The following SLC8A1 variants were observed in gnomAD, a reference collection of about 807,000 sequenced individuals.
SLC8A1 encodes the protein sodium/calcium exchanger 1.
In SLC8A1, 18 loss-of-function variants were observed where a neutral mutation model predicts 68.3. The ratio of observed to expected loss-of-function variants is 0.26; its 90% CI spans 0.18 to 0.39. SLC8A1 has a LOEUF of 0.39. Among genes scored for constraint, SLC8A1 ranks in the 10% least tolerant of loss-of-function variants. The probability of loss-of-function intolerance (pLI) is 1.00; values close to 1 mark genes in which losing one functional copy is unlikely to be tolerated. For missense variants in SLC8A1, 985 were observed against 1,156.7 expected (o/e 0.85, Z 2.15); for synonymous variants, 475 against 415.5 (o/e 1.14, Z -1.74).
Position 40,499,335 on chromosome 2 carries a change from C to G in SLC8A1, c.-25+13014G>C, listed in dbSNP as rs143978610. ...TAGCATTTTTCTGTCTCATTTTCCT[C>G]ATCTAAAAATGAGGATGATAATAGG... On this transcript the variant is annotated intron_variant, in intron 1 of 7. Coordinates refer to the SLC8A1 transcript ENST00000402441. Among the ~76,000 whole-genome samples, 623 of 152,114 alleles carry G rather than the reference C, an allele frequency of 4.1e-3. 6 individuals carry two copies. Among genetic ancestry groups the G allele is most frequent in the African/African-American group, 0.014 (573 of 41,518 alleles).
In SLC8A1 at chr2:40,308,162, G is replaced by T. The variant is rs191632316; in HGVS notation, c.1808+120311C>A. ...CTTAAAGCACCAAGTGCTTAGTGTG[G>T]CATCTGCTTTTTGCTAATTTCTGAG... On this transcript the variant is annotated intron_variant, in intron 2 of 7. Transcript: ENST00000406785. 2.0e-5 allele frequency among the ~76,000 whole-genome samples: 3 copies of T among 152,200 alleles called. No homozygotes were observed. The East Asian group carries it at 5.8e-4, about 29-fold the overall frequency.
chr2:40,484,319 T>C (rs1576648181), intron 1 of SLC8A1, among the ~76,000 whole-genome samples: 2 of 152,194 alleles, frequency 1.3e-5, no homozygotes, highest in South Asian at 4.1e-4. Context: ...ACTGGCATTA[T>C]CCAATGCCAG....
At chr2:40,417,894 C>CACACACA (rs924084175) in intron 2 of SLC8A1, among the ~76,000 whole-genome samples, 2 of 151,874 alleles carry the variant, frequency 1.3e-5, no homozygotes, top group African/African-American at 4.8e-5. Flanking sequence ...CACACACACA[C>CACACACA]AAGGTAAACG....
intron 2 of SLC8A1, among the ~76,000 whole-genome samples, chr2:40,198,241 T>A (rs1179421139): frequency 6.6e-6 from 1 of 151,990 alleles, no homozygotes; most frequent in Non-Finnish European, 1.5e-5. Context: ...GAGGGATTAG[T>A]GTTTTGGAAG....
chr2:40,354,954 C>A (rs1018985524), intron 2 of SLC8A1, among the ~76,000 whole-genome samples: 1 of 152,086 alleles, frequency 6.6e-6, no homozygotes, highest in Non-Finnish European at 1.5e-5. Flanking sequence ...AAAGAACAGG[C>A]ATAGAGAAAT....
At chr2:40,156,849 T>C (rs1458856254) in intron 6 of SLC8A1, among the ~76,000 whole-genome samples, 1 of 152,212 alleles carries the variant, frequency 6.6e-6, no homozygotes, top group Non-Finnish European at 1.5e-5. Flanking sequence ...GTTCGCACAA[T>C]GCATGCATGT....
chr2:40,362,496 T>C (rs1674915611), intron 2 of SLC8A1, among the ~76,000 whole-genome samples: 1 of 152,134 alleles, frequency 6.6e-6, no homozygotes, highest in Admixed American at 6.6e-5. Flanking sequence ...TTTTAATATA[T>C]AGGGTAGCAA....
At chr2:40,435,377 C>G (rs1699189105) in intron 1 of SLC8A1, among the ~76,000 whole-genome samples, 1 of 151,846 alleles carries the variant, frequency 6.6e-6, no homozygotes, top group African/African-American at 2.4e-5. Context: ...GCCCTGGCTC[C>G]AGCCTCAGGC....
At chr2:40,242,824 T>A (rs1033865521) in intron 2 of SLC8A1, among the ~76,000 whole-genome samples, 3 of 152,186 alleles carry the variant, frequency 2.0e-5, no homozygotes, top group Non-Finnish European at 2.9e-5. Context: ...GAGACTAAAT[T>A]TTTGTCTCTG....
chr2:40,305,201 C>T (rs556575689), intron 2 of SLC8A1, among the ~76,000 whole-genome samples: 1 of 152,306 alleles, frequency 6.6e-6, no homozygotes, highest in South Asian at 2.1e-4. Context: ...TGGGAAGCCC[C>T]TTCTAGTGGT....
chr2:40,476,526 T>G (rs888171725), intron 1 of SLC8A1, among the ~76,000 whole-genome samples: 1 of 152,238 alleles, frequency 6.6e-6, no homozygotes, highest in Non-Finnish European at 1.5e-5. Context: ...AGGTGCTTAG[T>G]GAAGGCGTCA....
At chr2:40,211,948 A>T (rs927141832) in intron 2 of SLC8A1, among the ~76,000 whole-genome samples, 8 of 152,250 alleles carry the variant, frequency 5.3e-5, no homozygotes, top group Non-Finnish European at 1.2e-4. Flanking sequence ...ATCACTAGTT[A>T]ATGCCCACAT....
chr2:40,290,629 T>C (rs2069138454), intron 2 of SLC8A1, among the ~76,000 whole-genome samples: 1 of 152,126 alleles, frequency 6.6e-6, no homozygotes, highest in Admixed American at 6.5e-5. Flanking sequence ...TTAAAAACAG[T>C]GGTATCTTTT....
At chr2:40,470,119 CTCT>C (rs1703921474) in intron 1 of SLC8A1, among the ~76,000 whole-genome samples, 1 of 152,184 alleles carries the variant, frequency 6.6e-6, no homozygotes, top group East Asian at 1.9e-4. Flanking sequence ...TTTCTGCATA[CTCT>C]TCTTATTTTC....
chr2:40,104,705 T>A (rs2034090657), exon 8 of SLC8A1: 1 of 152,194 alleles, frequency 6.6e-6, no homozygotes, highest in East Asian at 1.9e-4. Context: ...GTACCTAATA[T>A]AATACTTTGC....
At chr2:40,262,067 A>G (rs187227360) in intron 2 of SLC8A1, among the ~76,000 whole-genome samples, 12 of 151,900 alleles carry the variant, frequency 7.9e-5, no homozygotes, top group African/African-American at 2.9e-4. Flanking sequence ...GGTTCAAGCA[A>G]TTCTCCTGTC....
intron 2 of SLC8A1, among the ~76,000 whole-genome samples, chr2:40,234,365 T>C (rs1379851900): frequency 6.6e-6 from 1 of 152,018 alleles, no homozygotes; most frequent in Non-Finnish European, 1.5e-5. Context: ...GAAGCAATTG[T>C]GAATGGGAGT....
chr2:40,134,869 C>G (rs1266662142), intron 7 of SLC8A1, among the ~76,000 whole-genome samples: 2 of 151,776 alleles, frequency 1.3e-5, no homozygotes, highest in African/African-American at 4.8e-5. Context: ...TAATAACATT[C>G]AAAAATAAGT....
chr2:40,348,255 T>C (rs1237778285), intron 2 of SLC8A1, among the ~76,000 whole-genome samples: 1 of 152,176 alleles, frequency 6.6e-6, no homozygotes, highest in East Asian at 1.9e-4. Flanking sequence ...ATTTAATTGC[T>C]CTGAAGACAT....
Sources: gnomAD v4.1 joint callset for allele counts (sites outside exome capture counted in the v4.1 genomes callset) on GRCh38, gnomAD v4.1.1 for gene constraint, MANE v1.5 for transcripts, NCBI Gene and HGNC (gene_info 2026-07-23, HGNC 2026-07-21) for gene names.